The following NAP1L4 variants were observed in gnomAD, a reference collection of about 807,000 sequenced individuals.
NAP1L4 encodes the protein nucleosome assembly protein 1 like 4.
In NAP1L4, 15 loss-of-function variants were observed where a neutral mutation model predicts 58.2. The ratio of observed to expected loss-of-function variants is 0.26; its 90% CI spans 0.17 to 0.40. The LOEUF is 0.40. Among genes scored for constraint, NAP1L4 ranks in the 10% least tolerant of loss-of-function variants. The pLI is 1.00. For missense variants in NAP1L4, 384 were observed against 451.1 expected (o/e 0.85, Z 1.35); for synonymous variants, 171 against 155.6 (o/e 1.10, Z -0.74).
At position 2,978,310 on chromosome 11, in the gene NAP1L4, T is replaced by C. The variant is rs768856141; in HGVS notation, c.47A>G (p.Glu16Gly). 2.5e-6 allele frequency: 4 copies of C among 1,613,946 alleles called. No individual in the cohort carries two copies. Residue 16 changes from glutamate to glycine, a missense_variant, in exon 3 of 16, where the codon GAA (glutamate) becomes GGA (glycine). Glu to Gly is a moderately conservative substitution (Grantham distance 98). Around this residue, in one of 3 missense-constraint regions of NAP1L4, gnomAD observed 84 missense variants for 73.7 expected, o/e 1.14. Transcript: ENST00000380542. ...TGTGTTACTTGCATTTTTAGCAGCT[T>C]CCACGGAATCTGAAGGAACCCCATC... Reference protein sequence around the residue: ...FSDGVPSDSVEAAKNASNTEK... With the variant: ...FSDGVPSDSVGAAKNASNTEK...
intron 8 of NAP1L4, among the ~76,000 whole-genome samples, chr11:2,963,037 T>C (rs1245944433): frequency 2.2e-5 from 3 of 134,122 alleles, no homozygotes; most frequent in Non-Finnish European, 3.1e-5. Context: ...GAGGCAGAGG[T>C]TGCAGTGAGC....
chr11:2,965,863 G>A (rs1281524477), intron 7 of NAP1L4, among the ~76,000 whole-genome samples: 1 of 152,224 alleles, frequency 6.6e-6, no homozygotes, highest in Non-Finnish European at 1.5e-5. Flanking sequence ...CACTTACACA[G>A]AGCGTGTCTG....
Position 2,951,722 on chromosome 11 carries a change from G to A in NAP1L4, c.1065+58C>T. The A allele has an allele frequency of 1.9e-6, 3 of 1,574,446 alleles. No individual in the cohort carries two copies. The highest frequency in any genetic ancestry group is 2.6e-6 in the Non-Finnish European group (3 of 1,145,438). ...TGTGAGTCCATAACCTTCAAGCAGAGAAAGCCAAAGAAACAACTTCAGGGA... is the reference window on the plus strand; with the variant it reads ...TGTGAGTCCATAACCTTCAAGCAGAAAAAGCCAAAGAAACAACTTCAGGGA... On this transcript the variant is annotated intron_variant, in intron 13 of 15. Coordinates refer to ENST00000380542, the MANE Select transcript of NAP1L4 (RefSeq NM_005969.4). This position sits in a 1 kb window ranked among gnomAD's most constrained non-coding sequence, Gnocchi z 4.0.
intron 4 of NAP1L4, among the ~76,000 whole-genome samples, chr11:2,973,100 C>T (rs1269200830): frequency 2.0e-5 from 3 of 152,204 alleles, no homozygotes; most frequent in Non-Finnish European, 4.4e-5. Context: ...TTCATAATCA[C>T]ACTGTCCAGG....
At chr11:2,988,683 G>C (rs1476557969) in intron 1 of NAP1L4, among the ~76,000 whole-genome samples, 1 of 152,182 alleles carries the variant, frequency 6.6e-6, no homozygotes, top group Non-Finnish European at 1.5e-5. Context: ...TTTTGAACAG[G>C]CTTTTCCAGA....
intron 1 of NAP1L4, among the ~76,000 whole-genome samples, chr11:2,986,189 C>T (rs752217695): frequency 1.3e-4 from 19 of 151,918 alleles, no homozygotes; most frequent in South Asian, 2.1e-4. Flanking sequence ...GCCTGGCCAA[C>T]GTGGTGAAAT....
In NAP1L4 at chr11:2,969,839, G is replaced by A. The variant is rs919431260; in HGVS notation, c.498C>T (p.Ile166=). The A allele has an allele frequency of 6.2e-7, 1 of 1,613,724 alleles. No homozygotes were observed. The highest frequency in any genetic ancestry group is 8.5e-7 in the Non-Finnish European group (1 of 1,179,766). The part of the protein sequence containing the change: ...PKGIPEFWFT[I]FRNVDMLSEL... ...CACTCAGCATGTCCACATTTCTGAA[G>A]ATGGTAAACCAGAACTCTGGAATTC... Residue 166 remains isoleucine, a synonymous_variant, in exon 7 of 16, where the codon ATC becomes ATT. Coordinates refer to ENST00000380542, the MANE Select transcript of NAP1L4 (RefSeq NM_005969.4).
chr11:2,962,507 C>T (rs1846985292), intron 8 of NAP1L4, among the ~76,000 whole-genome samples: 1 of 152,184 alleles, frequency 6.6e-6, no homozygotes, highest in Non-Finnish European at 1.5e-5. Flanking sequence ...ATCTTTATAA[C>T]TTAAAATGCA....
At chr11:2,968,203 G>C (rs1847402870) in intron 7 of NAP1L4, among the ~76,000 whole-genome samples, 1 of 152,188 alleles carries the variant, frequency 6.6e-6, no homozygotes, top group African/African-American at 2.4e-5. Context: ...CTGCCATGGA[G>C]ATTTTCAACT....
At chr11:2,963,941 A>G in intron 8 of NAP1L4, 1 of 517,788 alleles carries the variant, frequency 1.9e-6, no homozygotes. Flanking sequence ...GGCCATTTGA[A>G]GATGAGCATA....
chr11:2,951,571 T>C lies in NAP1L4; in HGVS notation c.1065+209A>G, dbSNP rs1215070207. On this transcript the variant is annotated intron_variant, in intron 13 of 15. Coordinates refer to ENST00000380542, the MANE Select transcript of NAP1L4 (RefSeq NM_005969.4). This position sits in a 1 kb window ranked among gnomAD's most constrained non-coding sequence, Gnocchi z 4.0. ...GATTATTTTCTAAGATACATTTTCA[T>C]GAACCAACTGCAGGGTCAAAAACGA... is the stretch of plus-strand genomic sequence containing the variant. Among the ~76,000 whole-genome samples the C allele has an allele frequency of 2.0e-5, 3 of 152,264 alleles. No homozygotes were observed. The highest frequency in any genetic ancestry group is 7.2e-5 in the African/African-American group (3 of 41,470).
At chr11:2,958,338 T>C in intron 10 of NAP1L4, 61 bp downstream of exon 10, 2 of 1,561,448 alleles carry the variant, frequency 1.3e-6, no homozygotes, top group Admixed American at 1.7e-5. Context: ...TAGGAATCTA[T>C]CAGGTGACCA....
At chr11:2,975,971 A>T in intron 4 of NAP1L4, 53 bp downstream of exon 4, 2 of 1,501,442 alleles carry the variant, frequency 1.3e-6, no homozygotes, top group Admixed American at 2.0e-5. Context: ...TTTTTCCTTT[A>T]TTTTCCTTTT....
At chr11:2,987,602 C>T (rs1315272890) in intron 1 of NAP1L4, among the ~76,000 whole-genome samples, 1 of 151,096 alleles carries the variant, frequency 6.6e-6, no homozygotes, top group Non-Finnish European at 1.5e-5. Context: ...TAAAAAGATA[C>T]AAAAATTACC....
chr11:2,955,919 A>G lies in NAP1L4; in HGVS notation c.893-153T>C. On this transcript the variant is annotated intron_variant, in intron 10 of 15. Coordinates refer to ENST00000380542, the MANE Select transcript of NAP1L4 (RefSeq NM_005969.4). The surrounding 1 kb of genome is among the most constrained non-coding windows in gnomAD (Gnocchi z 4.2). Reference sequence around the variant, plus strand: ...TCCCCAAAGCCTTGCATCTCCTCACAGACATCTTTGCAAGCTCCATCCACC... The same window carrying G: ...TCCCCAAAGCCTTGCATCTCCTCACGGACATCTTTGCAAGCTCCATCCACC... The G allele has an allele frequency of 1.5e-6, 1 of 682,288 alleles. No individual in the cohort carries two copies. The highest frequency in any genetic ancestry group is 2.7e-5 in the East Asian group (1 of 36,768). 42.3% of individuals were successfully genotyped at this position (682,288 alleles called of 1,614,324 possible).
intron 3 of NAP1L4, among the ~76,000 whole-genome samples, chr11:2,977,574 G>A (rs1221547346): frequency 6.6e-6 from 1 of 152,174 alleles, no homozygotes; most frequent in Non-Finnish European, 1.5e-5. Context: ...TCCTTGAATA[G>A]GTGCTAGATT....
chr11:2,979,899 T>C lies in NAP1L4; in HGVS notation c.-17-662A>G, dbSNP rs556052203. Among the ~76,000 whole-genome samples, 13 of 152,364 alleles carry C rather than the reference T, an allele frequency of 8.5e-5. No individual in the cohort carries two copies. The South Asian group carries it at 2.1e-3, about 24-fold the overall frequency. On this transcript the variant is annotated intron_variant, in intron 1 of 15. Coordinates refer to ENST00000380542, the MANE Select transcript of NAP1L4 (RefSeq NM_005969.4). ...CGGCAACACAAACATACATTAATGA[T>C]AGCCCAACCATTTTAGAGTAAGTCA...
In NAP1L4 at chr11:2,971,613, CT is replaced by C; in HGVS notation, c.316-80del. Reference sequence around the variant, plus strand: ...CAAGAGTTAAATTTATAAATAATGTCTACTAAAAGACTTTGAAAACTGGATA... The same window carrying C: ...CAAGAGTTAAATTTATAAATAATGTCACTAAAAGACTTTGAAAACTGGATA... On this transcript the variant is annotated intron_variant, in intron 5 of 15. Transcript: ENST00000380542. The surrounding 1 kb of genome is among the most constrained non-coding windows in gnomAD (Gnocchi z 4.2). 8.9e-7 allele frequency: 1 copy of C among 1,129,472 alleles called. No homozygotes were observed. Among genetic ancestry groups the C allele is most frequent in the Non-Finnish European group, 1.3e-6 (1 of 786,894 alleles). 70.0% of individuals were successfully genotyped at this position (1,129,472 alleles called of 1,614,324 possible).
At position 2,971,649 on chromosome 11, in the gene NAP1L4, CTT is replaced by C. The variant is rs1847642144; in HGVS notation, c.316-117_316-116del. ...CTTTGAAAACTGGATATTTTTATAA[CTT>C]ATTTTAAGATTCTAAATTTTAGGGT... is the stretch of plus-strand genomic sequence containing the variant. On this transcript the variant is annotated intron_variant, in intron 5 of 15. Transcript: ENST00000380542. This position sits in a 1 kb window ranked among gnomAD's most constrained non-coding sequence, Gnocchi z 4.2. The C allele has an allele frequency of 1.2e-6, 1 of 813,434 alleles. No individual in the cohort carries two copies. The highest frequency in any genetic ancestry group is 1.7e-5 in the African/African-American group (1 of 57,520). 50.4% of individuals were successfully genotyped at this position (813,434 alleles called of 1,614,324 possible).
Sources: allele counts gnomAD v4.1 joint callset (sites outside exome capture counted in the v4.1 genomes callset), GRCh38; gene constraint gnomAD v4.1.1; regional missense constraint gnomAD v4.1.1; non-coding constraint Gnocchi (gnomAD v3.1); transcripts MANE v1.5; gene names NCBI Gene and HGNC (gene_info 2026-07-23, HGNC 2026-07-21).